Variants in GPATCH8 observed in about 807,000 individuals in gnomAD.
GPATCH8 encodes G patch domain-containing protein 8.
In GPATCH8, 18 loss-of-function variants were observed where a neutral mutation model predicts 118.3. The ratio of observed to expected loss-of-function variants is 0.15; its 90% CI spans 0.11 to 0.23. GPATCH8 has a LOEUF of 0.23. Ranked by LOEUF, GPATCH8 falls within the 10% of genes least tolerant of loss-of-function variation. The probability of loss-of-function intolerance (pLI) is 1.00; values close to 1 mark genes in which losing one functional copy is unlikely to be tolerated. For missense variants in GPATCH8, 1,631 were observed against 1,873.8 expected (o/e 0.87, Z 2.39); for synonymous variants, 659 against 684.7 (o/e 0.96, Z 0.59).
intron 1 of GPATCH8, among the ~76,000 whole-genome samples, chr17:44,500,089 A>C (rs973792751): frequency 3.9e-5 from 6 of 152,188 alleles, no homozygotes; most frequent in Non-Finnish European, 7.4e-5. Context: ...TCACCTTTCT[A>C]AAAGCTCCCT....
In GPATCH8 at chr17:44,398,274, C is replaced by G; in HGVS notation, c.3803G>C (p.Ser1268Thr). The G allele has an allele frequency of 1.2e-6, 2 of 1,613,584 alleles. No individual in the cohort carries two copies. Among genetic ancestry groups the G allele is most frequent in the Non-Finnish European group, 1.7e-6 (2 of 1,179,736 alleles). ...SSSQPGPVES[S>T]LLPIAPDLEH... ...AAGGTCTGGTGCTATAGGCAGCAAG[C>G]TGGACTCCACAGGGCCTGGCTGACT... Residue 1268 changes from serine (S) to threonine (T), a missense_variant, in exon 8 of 8, where the codon AGC (serine) becomes ACC (threonine). Physicochemically the swap from Ser to Thr is moderately conservative, Grantham distance 58. Transcript: ENST00000591680.
intron 2 of GPATCH8, among the ~76,000 whole-genome samples, chr17:44,469,628 T>C (rs1967112730): frequency 6.6e-6 from 1 of 152,192 alleles, no homozygotes. Flanking sequence ...ATAGTAAGTC[T>C]CTTGAGTGGA....
At chr17:44,493,016 G>T (rs1969381711) in intron 1 of GPATCH8, among the ~76,000 whole-genome samples, 1 of 148,708 alleles carries the variant, frequency 6.7e-6, no homozygotes, top group Admixed American at 6.7e-5. Flanking sequence ...TAAACCACTG[G>T]TTTATAACCA....
intron 6 of GPATCH8, among the ~76,000 whole-genome samples, chr17:44,422,449 C>A (rs114517365): frequency 0.012 from 1,849 of 151,878 alleles, 33 homozygotes; most frequent in African/African-American, 0.037. Flanking sequence ...CCTGGCTTTG[C>A]AAAGTGCTGC....
intron 1 of GPATCH8, among the ~76,000 whole-genome samples, chr17:44,488,223 CT>C (rs927607960): frequency 0.021 from 2,131 of 101,346 alleles, 51 homozygotes; most frequent in African/African-American, 0.059. Context: ...GTGCCTGACC[CT>C]TTTTTTTTTT....
chr17:44,406,506 G>GGGGGA (rs377596219), intron 6 of GPATCH8, among the ~76,000 whole-genome samples: 2 of 69,312 alleles, frequency 2.9e-5, no homozygotes, highest in Non-Finnish European at 3.2e-5. Flanking sequence ...TGGGGGGGGG[G>GGGGGA]GGTTATTTAA....
chr17:44,395,612 A>T lies in GPATCH8; in HGVS notation c.*1956T>A, dbSNP rs2048751241. ...TCATTTTTCCAGTGCTAGTTATCCA[A>T]GAAGTGATGCTTCTGAATCAGATGA... On this transcript the variant is annotated 3_prime_UTR_variant, in exon 8 of 8. Coordinates refer to ENST00000591680, the MANE Select transcript of GPATCH8 (RefSeq NM_001002909.4). 2.2e-6 allele frequency: 1 copy of T among 454,162 alleles called. No individual in the cohort carries two copies. The highest frequency in any genetic ancestry group is 2.4e-5 in the Admixed American group (1 of 42,552). The allele number at this position is 454,162 out of a possible 1,614,324, so 28.1% of individuals were successfully genotyped here.
chr17:44,400,950 T>A lies in GPATCH8; in HGVS notation c.1127A>T (p.Lys376Ile), dbSNP rs759042549. Residue 376 changes from lysine to isoleucine, a missense_variant, in exon 8 of 8, where the codon AAA becomes ATA. By Grantham distance (102) the Lys-to-Ile change is moderately radical. Around this residue, in one of 8 missense-constraint regions of GPATCH8, gnomAD observed 405 missense variants for 462.7 expected, o/e 0.88. Transcript: ENST00000591680. ...DGGSLASTLS[K>I]LKRMKREEGA... ...TTCTTCTCGTTTCATCCTTTTTAAT[T>A]TGGATAATGTTGAGGCAAGGGACCC... 1 of 1,614,204 alleles carries A rather than the reference T, an allele frequency of 6.2e-7. No homozygotes were observed. Among genetic ancestry groups the A allele is most frequent in the Non-Finnish European group, 8.5e-7 (1 of 1,180,022 alleles).
In GPATCH8 at chr17:44,401,245, A is replaced by ACCCAGGAGC; in HGVS notation, c.823_831dup (p.Ala275_Gly277dup). 1 of 1,613,832 alleles carries ACCCAGGAGC rather than the reference A, an allele frequency of 6.2e-7. No individual in the cohort carries two copies. Among genetic ancestry groups the ACCCAGGAGC allele is most frequent in the Non-Finnish European group, 8.5e-7 (1 of 1,179,710 alleles). On this transcript the variant is annotated inframe_insertion, in exon 8 of 8. Coordinates refer to ENST00000591680, the MANE Select transcript of GPATCH8 (RefSeq NM_001002909.4). ...CCAAAGCTGATGCCTTGGGAGGCTA[A>ACCCAGGAGC]CCCAGGAGCCTGGGCCAGTCCAGTG...
At chr17:44,462,411 C>T (rs927044213) in intron 3 of GPATCH8, among the ~76,000 whole-genome samples, 1 of 152,220 alleles carries the variant, frequency 6.6e-6, no homozygotes, top group Non-Finnish European at 1.5e-5. Context: ...ATCTCCATTT[C>T]AGTCCTGATT....
In GPATCH8 at chr17:44,399,353, G is replaced by A; in HGVS notation, c.2724C>T (p.Ser908=). The A allele has an allele frequency of 6.2e-7, 1 of 1,614,154 alleles. No homozygotes were observed. The highest frequency in any genetic ancestry group is 8.5e-7 in the Non-Finnish European group (1 of 1,179,998). Residue 908 remains serine (S), a synonymous_variant, in exon 8 of 8, where the codon TCC becomes TCT. Coordinates refer to ENST00000591680, the MANE Select transcript of GPATCH8 (RefSeq NM_001002909.4). The part of the protein sequence containing the change: ...SDRSRRHSKR[S]HDSDDSDYAS... Reference sequence around the variant, plus strand: ...CATAGTCTGAGTCATCTGAGTCATGGGAGCGCTTGGAGTGCCTTCGTGATC... The same window carrying A: ...CATAGTCTGAGTCATCTGAGTCATGAGAGCGCTTGGAGTGCCTTCGTGATC...
chr17:44,419,968 A>G (rs1321836253), intron 6 of GPATCH8, among the ~76,000 whole-genome samples: 2 of 152,098 alleles, frequency 1.3e-5, no homozygotes, highest in Non-Finnish European at 2.9e-5. Context: ...AAGGTGAAAA[A>G]GCCTACCTTT....
intron 3 of GPATCH8, among the ~76,000 whole-genome samples, chr17:44,447,240 T>C (rs543429613): frequency 6.6e-6 from 1 of 151,982 alleles, no homozygotes; most frequent in East Asian, 1.9e-4. Context: ...CTGCAACCTC[T>C]ACCTCCTGGG....
intron 6 of GPATCH8, among the ~76,000 whole-genome samples, chr17:44,423,009 C>G (rs927895964): frequency 1.3e-5 from 2 of 151,896 alleles, no homozygotes; most frequent in African/African-American, 4.8e-5. Flanking sequence ...TGGCTCACAC[C>G]TGTAATCCCA....
intron 1 of GPATCH8, among the ~76,000 whole-genome samples, chr17:44,492,508 C>T (rs1031176862): frequency 2.0e-5 from 3 of 151,770 alleles, no homozygotes; most frequent in Admixed American, 6.6e-5. Context: ...GGAGGCGGAG[C>T]TTGCAGTGAG....
chr17:44,426,235 A>G (rs1018880953), intron 5 of GPATCH8, among the ~76,000 whole-genome samples: 1 of 152,220 alleles, frequency 6.6e-6, no homozygotes, highest in South Asian at 2.1e-4. Flanking sequence ...GTTAGGGTGG[A>G]TGAGGAAACA....
At position 44,395,737 on chromosome 17, in the gene GPATCH8, G is replaced by C. The variant is rs1464367589; in HGVS notation, c.*1831C>G. 2.2e-6 allele frequency: 1 copy of C among 454,136 alleles called. No homozygotes were observed. The highest frequency in any genetic ancestry group is 2.3e-5 in the Admixed American group (1 of 42,576). The allele number at this position is 454,136 out of a possible 1,614,324, so 28.1% of individuals were successfully genotyped here. A position where few individuals can be genotyped will look rare whatever the true frequency, so the allele number is the denominator to read the frequency against. ...CTCTTTTGAGAATTTGCGAAGGCAG[G>C]AACAGAGCCTTGGCCCAGGTAAGTA... On this transcript the variant is annotated 3_prime_UTR_variant, in exon 8 of 8. Transcript: ENST00000591680.
chr17:44,424,258 G>C lies in GPATCH8; in HGVS notation c.492+91C>G, dbSNP rs1156822427. 5.2e-5 allele frequency: 46 copies of C among 892,170 alleles called. No homozygotes were observed. The East Asian group carries it at 1.1e-3, about 21-fold the overall frequency. The allele number at this position is 892,170 out of a possible 1,614,324, so 55.3% of individuals were successfully genotyped here. On this transcript the variant is annotated intron_variant, in intron 6 of 7. Transcript: ENST00000591680. Reference sequence around the variant, plus strand: ...AGATTGGCAGACACAAGAAATCATAGACACCAAGTTTTGGGGGGTATACTC... The same window carrying C: ...AGATTGGCAGACACAAGAAATCATACACACCAAGTTTTGGGGGGTATACTC...
chr17:44,488,868 C>T (rs1470110444), intron 1 of GPATCH8, among the ~76,000 whole-genome samples: 2 of 151,456 alleles, frequency 1.3e-5, no homozygotes, highest in East Asian at 4.0e-4. Flanking sequence ...GGGTGGATCA[C>T]CTGAGGTCAG....
Sources: gnomAD v4.1 joint callset for allele counts (sites outside exome capture counted in the v4.1 genomes callset) on GRCh38, gnomAD v4.1.1 for gene constraint, gnomAD v4.1.1 regional missense constraint, MANE v1.5 for transcripts, NCBI Gene and HGNC (gene_info 2026-07-23, HGNC 2026-07-21) for gene names.